The following NEDD4L variants were observed in gnomAD, a reference collection of about 807,000 sequenced individuals.
The protein encoded by NEDD4L is NEDD4 like E3 ubiquitin protein ligase, also known as E3 ubiquitin-protein ligase NEDD4-like.
In NEDD4L, 54 loss-of-function variants were observed where a neutral mutation model predicts 148.9. The observed-to-expected ratio is 0.36, with a 90% CI of 0.29 to 0.45. The LOEUF (loss-of-function observed/expected upper bound fraction) is 0.45. NEDD4L is among the 20% of genes least tolerant of loss of function. The probability of loss-of-function intolerance (pLI) is 1.00; values close to 1 mark genes in which losing one functional copy is unlikely to be tolerated. For missense variants in NEDD4L, 856 were observed against 1,233.8 expected, an observed-to-expected ratio of 0.69 and a Z score of 4.59; for synonymous variants, 433 against 440.7, an observed-to-expected ratio of 0.98 and a Z score of 0.22.
rs144374586 is a variant in NEDD4L, at chr18:58,211,963, A to T, written c.123-33464A>T. ...CAGACCTCTATCTAATATCATAATC[A>T]GTAATAAGTCCCGGAATCTTCAAAC... On this transcript the variant is annotated intron_variant, in intron 2 of 30. Transcript: ENST00000400345. Among the ~76,000 whole-genome samples the T allele has an allele frequency of 3.6e-3, 555 of 152,316 alleles. 3 individuals are homozygous for T. The highest frequency in any genetic ancestry group is 5.8e-3 in the Non-Finnish European group (397 of 68,034).
intron 1 of NEDD4L, among the ~76,000 whole-genome samples, chr18:58,089,126 ATTTTTTTTTTTT>A (rs570623396): frequency 9.9e-6 from 1 of 100,974 alleles, no homozygotes; most frequent in South Asian, 3.3e-4. Context: ...TTATTTCATA[ATTTTTTTTTTTT>A]TTTTTTTTTT....
chr18:58,180,261 G>A (rs1441938327), intron 2 of NEDD4L, among the ~76,000 whole-genome samples: 1 of 152,174 alleles, frequency 6.6e-6, no homozygotes. Flanking sequence ...CTTTGCACAA[G>A]TGCCTTGCTC....
In NEDD4L at chr18:58,370,329, TC is replaced by T. The variant is rs1211982900; in HGVS notation, c.2186-67del. 6.3e-6 allele frequency: 6 copies of T among 952,442 alleles called. No homozygotes were observed. The African/African-American group carries it at 9.6e-5, about 15-fold the overall frequency. The allele number at this position is 952,442 out of a possible 1,614,324, so 59.0% of individuals were successfully genotyped here. On this transcript the variant is annotated intron_variant, in intron 22 of 30. Transcript: ENST00000400345. ...TTACATTGAAAGCAGGTTAATCTTT[TC>T]TTTCATGCTCTGATACATAGCAGTG...
intron 2 of NEDD4L, chr18:58,195,453 A>C: frequency 7.6e-7 from 1 of 1,323,916 alleles, no homozygotes; most frequent in Non-Finnish European, 1.0e-6. Context: ...CCGCGGCAGC[A>C]GCTTCCAACC....
At chr18:58,255,503 C>A (rs1057333721) in intron 5 of NEDD4L, 1 of 1,230,808 alleles carries the variant, frequency 8.1e-7, no homozygotes. Context: ...TGCTATCTGT[C>A]GCTCCCGGTG....
chr18:58,340,242 A>G (rs9960278), intron 13 of NEDD4L, among the ~76,000 whole-genome samples: 46,164 of 152,060 alleles, frequency 0.3, 7,209 homozygotes, highest in Middle Eastern at 0.42. Context: ...CTCCATCCAC[A>G]CTGCATTTCT....
chr18:58,290,766 A>G (rs1371752944), intron 5 of NEDD4L, among the ~76,000 whole-genome samples: 1 of 152,096 alleles, frequency 6.6e-6, no homozygotes, highest in Non-Finnish European at 1.5e-5. Flanking sequence ...ATTTATGCAG[A>G]CATACAACTT....
chr18:58,343,113 C>T lies in NEDD4L; in HGVS notation c.1575+10C>T. On this transcript the variant is annotated intron_variant, in intron 16 of 30. Transcript: ENST00000400345. ...AAAGACTACAACCTGGGTAAGGCTG[C>T]TGCTTTTATTTGGCTCCATTTTCAT... 1 of 1,572,048 alleles carries T rather than the reference C, an allele frequency of 6.4e-7. No individual in the cohort carries two copies. Among genetic ancestry groups the T allele is most frequent in the Non-Finnish European group, 8.6e-7 (1 of 1,158,088 alleles).
chr18:58,349,265 T>C (rs2043556261), intron 16 of NEDD4L, among the ~76,000 whole-genome samples: 1 of 152,164 alleles, frequency 6.6e-6, no homozygotes, highest in African/African-American at 2.4e-5. Context: ...TCTCTTCCCC[T>C]TCCCCTTCTC....
At chr18:58,195,427 C>A in intron 2 of NEDD4L, 1 of 1,307,020 alleles carries the variant, frequency 7.7e-7, no homozygotes, top group Non-Finnish European at 1.0e-6. Context: ...GCTCCCGATT[C>A]GAGAGAGGCA....
intron 6 of NEDD4L, among the ~76,000 whole-genome samples, chr18:58,319,269 C>G (rs1243706781): frequency 6.6e-6 from 1 of 152,176 alleles, no homozygotes; most frequent in African/African-American, 2.4e-5. Context: ...CTGACCCTGG[C>G]TCTCCAGCAT....
At chr18:58,353,526 T>TC (rs1175428468) in intron 18 of NEDD4L, among the ~76,000 whole-genome samples, 1 of 152,210 alleles carries the variant, frequency 6.6e-6, no homozygotes, top group Non-Finnish European at 1.5e-5. Context: ...CTACCATCGC[T>TC]CCATAATTCA....
In NEDD4L at chr18:58,163,735, G is replaced by A. The variant is rs143422152; in HGVS notation, c.49-2053G>A. Among the ~76,000 whole-genome samples the A allele has an allele frequency of 4.3e-3, 662 of 152,302 alleles. 1 individual carries two copies. Among genetic ancestry groups the A allele is most frequent in the Non-Finnish European group, 7.2e-3 (487 of 68,018 alleles). On this transcript the variant is annotated intron_variant, in intron 1 of 30. Transcript: ENST00000400345. ...GCCACATGGGCAGTCTTGTTTTGGG[G>A]ATACGTGGTTGGATGGACGGTTGGG...
At chr18:58,213,065 T>G in intron 2 of NEDD4L, among the ~76,000 whole-genome samples, 1 of 152,114 alleles carries the variant, frequency 6.6e-6, no homozygotes, top group Non-Finnish European at 1.5e-5. Flanking sequence ...TAGAGAAAAA[T>G]AACACTTTTT....
chr18:58,143,107 G>A (rs879635940), intron 1 of NEDD4L, among the ~76,000 whole-genome samples: 2 of 152,200 alleles, frequency 1.3e-5, no homozygotes, highest in East Asian at 1.9e-4. Context: ...ATCCTTTAGT[G>A]CCAGGTACTG....
chr18:58,064,442 A>G (rs2082499740), intron 1 of NEDD4L, among the ~76,000 whole-genome samples: 1 of 152,228 alleles, frequency 6.6e-6, no homozygotes, highest in Non-Finnish European at 1.5e-5. Context: ...ATGCTATTTT[A>G]TTAAAACTCT....
intron 1 of NEDD4L, among the ~76,000 whole-genome samples, chr18:58,097,933 G>A (rs1274047633): frequency 2.0e-5 from 3 of 152,206 alleles, no homozygotes; most frequent in African/African-American, 7.2e-5. Flanking sequence ...GGAGGCGGAT[G>A]TGGGAGGATC....
At chr18:58,395,839 G>A (rs1222666964) in intron 30 of NEDD4L, among the ~76,000 whole-genome samples, 1 of 152,116 alleles carries the variant, frequency 6.6e-6, no homozygotes, top group African/African-American at 2.4e-5. Flanking sequence ...GTCTTAATTC[G>A]TGGGTAACTC....
At chr18:58,126,156 A>C (rs2031046670) in intron 1 of NEDD4L, among the ~76,000 whole-genome samples, 1 of 152,218 alleles carries the variant, frequency 6.6e-6, no homozygotes. Context: ...CATCTCTTAC[A>C]ATTCACCCAT....
Sources: gnomAD v4.1 joint callset for allele counts (sites outside exome capture counted in the v4.1 genomes callset) on GRCh38, gnomAD v4.1.1 for gene constraint, MANE v1.5 for transcripts, NCBI Gene and HGNC (gene_info 2026-07-23, HGNC 2026-07-21) for gene names.